Variants in OCIAD2 observed in about 807,000 individuals in gnomAD.
OCIAD2 encodes the protein OCIA domain containing 2.
OCIAD2 carries 29 observed loss-of-function variants against 22.9 expected under a neutral mutation model. The ratio of observed to expected loss-of-function variants is 1.27; its 90% CI spans 0.94 to 1.73. The LOEUF (loss-of-function observed/expected upper bound fraction) is 1.73. OCIAD2 is among the 40% of genes most tolerant of loss of function. The probability of loss-of-function intolerance (pLI) is 0.00; values close to 1 mark genes in which losing one functional copy is unlikely to be tolerated. For missense variants in OCIAD2, 189 were observed against 180.3 expected, an observed-to-expected ratio of 1.05 and a Z score of -0.28; for synonymous variants, 67 against 60.2, an observed-to-expected ratio of 1.11 and a Z score of -0.52.
At chr4:48,887,506 A>G (rs1213935633) in intron 6 of OCIAD2, among the ~76,000 whole-genome samples, 1 of 152,172 alleles carries the variant, frequency 6.6e-6, no homozygotes, top group African/African-American at 2.4e-5. Flanking sequence ...TCTTGAATAA[A>G]TTTTTGTATA....
At chr4:48,905,492 C>T (rs1048172359) in intron 1 of OCIAD2, among the ~76,000 whole-genome samples, 1 of 151,442 alleles carries the variant, frequency 6.6e-6, no homozygotes, top group Admixed American at 6.6e-5. Flanking sequence ...GAGGGAATTT[C>T]TGAAGGAGGG....
chr4:48,888,019 A>C (rs1192968576), intron 6 of OCIAD2, among the ~76,000 whole-genome samples: 1 of 152,140 alleles, frequency 6.6e-6, no homozygotes, highest in Non-Finnish European at 1.5e-5. Flanking sequence ...TTCATTGAGC[A>C]GTGGTTTGTA....
chr4:48,893,614 T>A (rs1430151366), intron 5 of OCIAD2: 2 of 155,920 alleles, frequency 1.3e-5, no homozygotes, highest in African/African-American at 4.8e-5. Context: ...CTGCTATTGA[T>A]AATCTCATTA....
chr4:48,888,945 T>C (rs1781078447), intron 6 of OCIAD2, among the ~76,000 whole-genome samples: 1 of 152,156 alleles, frequency 6.6e-6, no homozygotes, highest in African/African-American at 2.4e-5. Flanking sequence ...TGGTAGAATT[T>C]GGCTGTGAAT....
At position 48,892,780 on chromosome 4, in the gene OCIAD2, C is replaced by T. The variant is rs1553905505; in HGVS notation, c.375G>A (p.Gln125=). 4.5e-6 allele frequency: 7 copies of T among 1,567,424 alleles called. No homozygotes were observed. The highest frequency in any genetic ancestry group is 2.7e-5 in the African/African-American group (2 of 73,882). Residue 125 remains glutamine (Q), a synonymous_variant, in exon 6 of 7, where the codon CAG becomes CAA. Coordinates refer to ENST00000508632, the MANE Select transcript of OCIAD2 (RefSeq NM_001014446.3). ...DQLRGAGFGP[Q]HNRHCLLTCE... ...CCAAACAGATTACAAACCTGTTATG[C>T]TGTGGACCAAAACCAGCCCCACGGA...
intron 6 of OCIAD2, among the ~76,000 whole-genome samples, chr4:48,887,308 G>A (rs368587410): frequency 0.021 from 3,189 of 152,246 alleles, 41 homozygotes; most frequent in Middle Eastern, 0.037. Flanking sequence ...TCTGATGGTA[G>A]TTTCTTTTGC....
In OCIAD2 at chr4:48,904,559, G is replaced by A. The variant is rs1353474712; in HGVS notation, c.-10C>T. The A allele has an allele frequency of 3.1e-6, 5 of 1,613,686 alleles. No homozygotes were observed. The highest frequency in any genetic ancestry group is 4.2e-6 in the Non-Finnish European group (5 of 1,179,782). The stretch of plus-strand genomic sequence containing the variant: ...CAGACGCTGAAGCCATGATGACTTT[G>A]TGCTTGCTCTCCTTCCAGTTGTTTA... On this transcript the variant is annotated 5_prime_UTR_variant, in exon 2 of 7. Transcript: ENST00000508632.
intron 6 of OCIAD2, among the ~76,000 whole-genome samples, chr4:48,889,999 T>C (rs1042954832): frequency 7.3e-5 from 11 of 150,198 alleles, no homozygotes; most frequent in Non-Finnish European, 1.6e-4. Context: ...AGCAAACTAT[T>C]GCAAGGAGAA....
At chr4:48,896,379 C>T (rs924261418) in intron 4 of OCIAD2, among the ~76,000 whole-genome samples, 5 of 151,830 alleles carry the variant, frequency 3.3e-5, no homozygotes, top group African/African-American at 1.2e-4. Context: ...CACAAGAGCT[C>T]AGGAGTTCGA....
chr4:48,892,400 G>A (rs1781197345), intron 6 of OCIAD2, among the ~76,000 whole-genome samples: 1 of 152,056 alleles, frequency 6.6e-6, no homozygotes, highest in Non-Finnish European at 1.5e-5. Flanking sequence ...CCCCTATTTA[G>A]AATCATGATA....
Position 48,895,290 on chromosome 4 carries a change from C to G in OCIAD2, c.218-1237G>C, listed in dbSNP as rs905448606. On this transcript the variant is annotated intron_variant, in intron 4 of 6. Coordinates refer to ENST00000508632, the MANE Select transcript of OCIAD2 (RefSeq NM_001014446.3). ...AATTTGTTAGAGAAGTTATAGAAAA[C>G]TGATATCAAACTCTGAAAAAAATGT... 2.6e-5 allele frequency among the ~76,000 whole-genome samples: 4 copies of G among 152,122 alleles called. No homozygotes were observed. The South Asian group carries it at 8.3e-4, about 32-fold the overall frequency.
At position 48,892,776 on chromosome 4, in the gene OCIAD2, T is replaced by C; in HGVS notation, c.379A>G (p.Asn127Asp). 1 of 1,542,642 alleles carries C rather than the reference T, an allele frequency of 6.5e-7. No homozygotes were observed. Among genetic ancestry groups the C allele is most frequent in the East Asian group, 2.2e-5 (1 of 44,504 alleles). Reference protein sequence around the residue: ...LRGAGFGPQHNRHCLLTCEEC... With the variant: ...LRGAGFGPQHDRHCLLTCEEC... Reference sequence around the variant, plus strand: ...TCAACCAAACAGATTACAAACCTGTTATGCTGTGGACCAAAACCAGCCCCA... The same window carrying C: ...TCAACCAAACAGATTACAAACCTGTCATGCTGTGGACCAAAACCAGCCCCA... Residue 127 changes from asparagine to aspartate, a missense_variant, in exon 6 of 7, where the codon AAC (asparagine) becomes GAC (aspartate). Coordinates refer to ENST00000508632, the MANE Select transcript of OCIAD2 (RefSeq NM_001014446.3).
At chr4:48,901,843 A>G (rs927233731) in intron 2 of OCIAD2, among the ~76,000 whole-genome samples, 1 of 152,138 alleles carries the variant, frequency 6.6e-6, no homozygotes, top group African/African-American at 2.4e-5. Flanking sequence ...CCTGGGCTCA[A>G]GTTAACCTCC....
At chr4:48,892,749 C>A (rs1263998085) in intron 6 of OCIAD2, 23 bp downstream of exon 6, 4 of 1,119,132 alleles carry the variant, frequency 3.6e-6, no homozygotes, top group Admixed American at 4.2e-5. Context: ...CATTACAATC[C>A]CTCAACCAAA....
intron 5 of OCIAD2, 101 bp downstream of exon 5, chr4:48,893,905 C>T: frequency 1.8e-6 from 1 of 545,992 alleles, no homozygotes; most frequent in Non-Finnish European, 3.2e-6. Flanking sequence ...TGGTCTCGAA[C>T]TCCTGGACTC....
At chr4:48,899,216 T>G (rs1163792861) in intron 3 of OCIAD2, among the ~76,000 whole-genome samples, 9 of 152,238 alleles carry the variant, frequency 5.9e-5, no homozygotes, top group Non-Finnish European at 1.3e-4. Context: ...TCTGCCATTT[T>G]CAAATGCTAT....
intron 6 of OCIAD2, among the ~76,000 whole-genome samples, chr4:48,891,407 C>G (rs920874325): frequency 7.9e-5 from 12 of 152,180 alleles, no homozygotes; most frequent in Admixed American, 7.2e-4. Context: ...TCATTATCAG[C>G]TATGAATGCA....
At position 48,892,852 on chromosome 4, in the gene OCIAD2, T is replaced by A; in HGVS notation, c.303A>T (p.Ser101=). ...ATTTACTCTGGCATACTCCTATGTATGATACCTTTCCAAGGCCAAATCCCA... is the reference window on the plus strand; with the variant it reads ...ATTTACTCTGGCATACTCCTATGTAAGATACCTTTCCAAGGCCAAATCCCA... The part of the protein sequence containing the change: ...GLLGFGLGKV[S]YIGVCQSKFH... The change falls in exon 6 of 7, where the codon TCA becomes TCT. Residue 101 remains serine (S), a synonymous_variant. Coordinates refer to ENST00000508632, the MANE Select transcript of OCIAD2 (RefSeq NM_001014446.3). 2 of 1,611,598 alleles carry A rather than the reference T, an allele frequency of 1.2e-6. No homozygotes were observed. The highest frequency in any genetic ancestry group is 1.7e-6 in the Non-Finnish European group (2 of 1,178,720).
upstream of OCIAD2, chr4:48,906,822 C>G (rs569030519): frequency 1.3e-5 from 2 of 152,896 alleles, no homozygotes; most frequent in Non-Finnish European, 2.9e-5. Flanking sequence ...GCTCCGCCCC[C>G]TCGCCTGCCC....
Sources: gnomAD v4.1 joint callset for allele counts (sites outside exome capture counted in the v4.1 genomes callset) on GRCh38, gnomAD v4.1.1 for gene constraint, MANE v1.5 for transcripts, NCBI Gene and HGNC (gene_info 2026-07-23, HGNC 2026-07-21) for gene names.